The following ZBTB7A variants were observed in gnomAD, a reference collection of about 807,000 sequenced individuals.
ZBTB7A encodes zinc finger and BTB domain containing 7A, also known as zinc finger and BTB domain-containing protein 7A.
A neutral mutation model predicts 26.7 loss-of-function variants in ZBTB7A; 7 were observed. The ratio of observed to expected loss-of-function variants is 0.26; its 90% CI spans 0.15 to 0.49. The LOEUF is 0.49. Among genes scored for constraint, ZBTB7A ranks in the 20% least tolerant of loss-of-function variants. The pLI is 0.98. For synonymous variants in ZBTB7A, 452 were observed against 441.0 expected (o/e 1.02, Z -0.31); for missense variants, 617 against 919.5 (o/e 0.67, Z 4.25).
Position 4,054,363 on chromosome 19 carries a change from C to T in ZBTB7A, c.870G>A (p.Pro290=), listed in dbSNP as rs1180734013. The stretch of plus-strand genomic sequence containing the variant: ...CCGACAGGAAGCCCGGAGAGTCGCC[C>T]GGCTCGGGGGCCGCCTCCGACAGCG... ...AASLSEAAPE[P]GDSPGFLSGA... The change falls in exon 2 of 3, where the codon CCG becomes CCA. Residue 290 remains proline, a synonymous_variant. Coordinates refer to ENST00000322357, the MANE Select transcript of ZBTB7A (RefSeq NM_015898.4). 9.0e-5 allele frequency: 132 copies of T among 1,466,808 alleles called. No individual in the cohort carries two copies. Among genetic ancestry groups the T allele is most frequent in the Non-Finnish European group, 1.1e-4 (128 of 1,119,554 alleles). The allele number at this position is 1,466,808 out of a possible 1,614,324, so 90.9% of individuals were successfully genotyped here.
rs2040410129 is a variant in ZBTB7A at position 4,045,869 on chromosome 19, T to C, written c.*1883A>G. On this transcript the variant is annotated 3_prime_UTR_variant, in exon 3 of 3. Coordinates refer to ENST00000322357, the MANE Select transcript of ZBTB7A (RefSeq NM_015898.4). The surrounding 1 kb of genome is among the most constrained non-coding windows in gnomAD (Gnocchi z 4.1). ...AGGTCCCAGTCCCCCTGGATTACAG[T>C]CAGTGCCTTTGAGTAAAAAGAGGGG... 1 of 398,518 alleles carries C rather than the reference T, an allele frequency of 2.5e-6. No individual in the cohort carries two copies. Among genetic ancestry groups the C allele is most frequent in the Non-Finnish European group, 4.4e-6 (1 of 226,020 alleles). The allele number at this position is 398,518 out of a possible 1,614,324, so 24.7% of individuals were successfully genotyped here. A position where few individuals can be genotyped will look rare whatever the true frequency, so the allele number is the denominator to read the frequency against.
chr19:4,047,789 G>T lies in ZBTB7A; in HGVS notation c.1718C>A (p.Ala573Asp), dbSNP rs769147697. 7 of 1,600,130 alleles carry T rather than the reference G, an allele frequency of 4.4e-6. No homozygotes were observed. The highest frequency in any genetic ancestry group is 6.0e-6 in the Non-Finnish European group (7 of 1,174,154). The change falls in exon 3 of 3, where the codon GCC (alanine) becomes GAC (aspartate). Residue 573 changes from alanine to aspartate, a missense_variant. Ala to Asp is a moderately radical substitution (Grantham distance 126). Coordinates refer to ENST00000322357, the MANE Select transcript of ZBTB7A (RefSeq NM_015898.4). ...GGCTGTGAAGTTACCGTCGGTGGCG[G>T]CCCCGGGGCCACCTCCGCTGTCACC... is the stretch of plus-strand genomic sequence containing the variant. The part of the protein sequence containing the change: ...GGGDSGGGPG[A>D]ATDGNFTAGL...
At chr19:4,049,302 T>G (rs1295446258) in intron 2 of ZBTB7A, among the ~76,000 whole-genome samples, 1 of 144,578 alleles carries the variant, frequency 6.9e-6, no homozygotes, top group Non-Finnish European at 1.5e-5. Context: ...CTCTCAAAGC[T>G]CTAGGATTAC....
chr19:4,063,306 G>A (rs533007994), intron 1 of ZBTB7A, among the ~76,000 whole-genome samples: 3 of 152,338 alleles, frequency 2.0e-5, no homozygotes, highest in African/African-American at 4.8e-5. Flanking sequence ...CAGAGCAAGC[G>A]TGCCAGCATT....
chr19:4,055,389 G>A, intron 1 of ZBTB7A, 142 bp from the exon 2 acceptor site: 1 of 1,391,988 alleles, frequency 7.2e-7, no homozygotes, highest in Non-Finnish European at 9.3e-7. Context: ...CGTGAAGGCG[G>A]TCAGATGTCG....
chr19:4,064,382 C>A (rs1433342678), intron 1 of ZBTB7A, among the ~76,000 whole-genome samples: 2 of 152,236 alleles, frequency 1.3e-5, no homozygotes, highest in Non-Finnish European at 2.9e-5. Context: ...TAAACAGAGG[C>A]CCCGGCCCCG....
chr19:4,060,742 G>A (rs1360439130), intron 1 of ZBTB7A, among the ~76,000 whole-genome samples: 1 of 152,354 alleles, frequency 6.6e-6, no homozygotes, highest in East Asian at 1.9e-4. Context: ...CTAGTGCAGG[G>A]TGTGGGAGCC....
Position 4,047,949 on chromosome 19 carries a change from C to CGCCGGGGGT in ZBTB7A, c.1549_1557dup (p.Thr517_Gly519dup). On this transcript the variant is annotated inframe_insertion, in exon 3 of 3. Coordinates refer to ENST00000322357, the MANE Select transcript of ZBTB7A (RefSeq NM_015898.4). ...TCGGGGGAGCTGGGCTGGGCGGGGG[C>CGCCGGGGGT]GCCGGGGGTCGCGGTGGCCCCCGGG... 7.7e-7 allele frequency: 1 copy of CGCCGGGGGT among 1,303,720 alleles called. No homozygotes were observed. The highest frequency in any genetic ancestry group is 2.8e-4 in the Middle Eastern group (1 of 3,536). The allele number at this position is 1,303,720 out of a possible 1,614,324, so 80.8% of individuals were successfully genotyped here. A position where few individuals can be genotyped will look rare whatever the true frequency, so the allele number is the denominator to read the frequency against.
At position 4,048,544 on chromosome 19, in the gene ZBTB7A, G is replaced by A. The variant is rs1025632823; in HGVS notation, c.1263-300C>T. Among the ~76,000 whole-genome samples, 1 of 152,074 alleles carries A rather than the reference G, an allele frequency of 6.6e-6. No individual in the cohort carries two copies. Among genetic ancestry groups the A allele is most frequent in the African/African-American group, 2.4e-5 (1 of 41,416 alleles). ...CTTTTTTAACTTTTTAAGAGACAAA[G>A]TCTAGGCCAGGCGCGGAGGCTCAGG... is the stretch of plus-strand genomic sequence containing the variant. On this transcript the variant is annotated intron_variant, in intron 2 of 2. Coordinates refer to ENST00000322357, the MANE Select transcript of ZBTB7A (RefSeq NM_015898.4). This position sits in a 1 kb window ranked among gnomAD's most constrained non-coding sequence, Gnocchi z 6.7.
intron 2 of ZBTB7A, among the ~76,000 whole-genome samples, chr19:4,049,405 G>C (rs1359816114): frequency 6.6e-6 from 1 of 150,586 alleles, no homozygotes; most frequent in African/African-American, 2.4e-5. Flanking sequence ...CTACCCCTGG[G>C]GTAGGATGAG....
rs2040449795 is a variant in ZBTB7A, at chr19:4,048,263, G to C, written c.1263-19C>G. ...GTCCTGCCTGTGGACGGGGCACGGG[G>C]CGGGCACGGTCAGTGGGGCCGGGGA... On this transcript the variant is annotated intron_variant, in intron 2 of 2. Coordinates refer to ENST00000322357, the MANE Select transcript of ZBTB7A (RefSeq NM_015898.4). This position sits in a 1 kb window ranked among gnomAD's most constrained non-coding sequence, Gnocchi z 6.7. 6 of 1,563,764 alleles carry C rather than the reference G, an allele frequency of 3.8e-6. No homozygotes were observed. Among genetic ancestry groups the C allele is most frequent in the Non-Finnish European group, 5.2e-6 (6 of 1,162,876 alleles).
Position 4,048,955 on chromosome 19 carries a change from G to A in ZBTB7A, c.1263-711C>T, listed in dbSNP as rs868278352. Among the ~76,000 whole-genome samples the A allele has an allele frequency of 2.7e-5, 4 of 146,458 alleles. No homozygotes were observed. The highest frequency in any genetic ancestry group is 4.5e-5 in the Non-Finnish European group (3 of 66,294). On this transcript the variant is annotated intron_variant, in intron 2 of 2. Transcript: ENST00000322357. This position sits in a 1 kb window ranked among gnomAD's most constrained non-coding sequence, Gnocchi z 6.7. ...ATCACGCCACTGCCCTCCAACCTCG[G>A]TGACAGAATGAGACTGTCTCCAAAA...
intron 1 of ZBTB7A, among the ~76,000 whole-genome samples, chr19:4,058,847 T>C (rs1466745766): frequency 6.6e-6 from 1 of 152,154 alleles, no homozygotes; most frequent in Non-Finnish European, 1.5e-5. Context: ...GCTTGCTCAG[T>C]GCCACCACGC....
At position 4,044,670 on chromosome 19, in the gene ZBTB7A, TC is replaced by T. The variant is rs911105117; in HGVS notation, c.*3081del. On this transcript the variant is annotated 3_prime_UTR_variant, in exon 3 of 3. Coordinates refer to ENST00000322357, the MANE Select transcript of ZBTB7A (RefSeq NM_015898.4). Reference sequence around the variant, plus strand: ...GGAAATAACAATTTCGCATTGTTTTTCTTTTTTTTTTTTCTCTTTTTTTTTT... The same window carrying T: ...GGAAATAACAATTTCGCATTGTTTTTTTTTTTTTTTTTCTCTTTTTTTTTT... 12 of 22,434 alleles carry T rather than the reference TC, an allele frequency of 5.3e-4. No individual in the cohort carries two copies. The highest frequency in any genetic ancestry group is 0.014 in the Middle Eastern group (1 of 74). 1.4% of individuals were successfully genotyped at this position (22,434 alleles called of 1,614,324 possible). A position where few individuals can be genotyped will look rare whatever the true frequency, so the allele number is the denominator to read the frequency against.
intron 1 of ZBTB7A, among the ~76,000 whole-genome samples, chr19:4,057,249 G>A (rs1219222541): frequency 6.6e-6 from 1 of 151,932 alleles, no homozygotes; most frequent in African/African-American, 2.4e-5. Flanking sequence ...TCGGGAGGCT[G>A]AGGCAGGAGA....
chr19:4,047,678 G>C lies in ZBTB7A; in HGVS notation c.*74C>G, dbSNP rs916892837. The C allele has an allele frequency of 1.3e-6, 2 of 1,516,632 alleles. No homozygotes were observed. Among genetic ancestry groups the C allele is most frequent in the African/African-American group, 1.4e-5 (1 of 69,768 alleles). 93.9% of individuals were successfully genotyped at this position (1,516,632 alleles called of 1,614,324 possible). A position where few individuals can be genotyped will look rare whatever the true frequency, so the allele number is the denominator to read the frequency against. On this transcript the variant is annotated 3_prime_UTR_variant, in exon 3 of 3. Coordinates refer to ENST00000322357, the MANE Select transcript of ZBTB7A (RefSeq NM_015898.4). ...AGATTTTCTTTTTTTGTGTTTTTGG[G>C]GGGGTGGTGGGTGATTTTTTTTCTC...
At chr19:4,064,150 G>C (rs1407500652) in intron 1 of ZBTB7A, among the ~76,000 whole-genome samples, 2 of 152,226 alleles carry the variant, frequency 1.3e-5, no homozygotes, top group Non-Finnish European at 2.9e-5. Context: ...GGCCGCCCGC[G>C]GGCCTCTGCC....
intron 2 of ZBTB7A, among the ~76,000 whole-genome samples, chr19:4,053,602 T>G (rs1050250791): frequency 6.0e-5 from 9 of 149,512 alleles, no homozygotes; most frequent in African/African-American, 2.2e-4. Flanking sequence ...TGTGCGTGCA[T>G]GTGTATGTGA....
At position 4,047,636 on chromosome 19, in the gene ZBTB7A, G is replaced by GAT. The variant is rs1169771285; in HGVS notation, c.*114_*115dup. The GAT allele has an allele frequency of 1.3e-5, 12 of 913,350 alleles. No homozygotes were observed. The highest frequency in any genetic ancestry group is 3.7e-5 in the South Asian group (2 of 53,878). The allele number at this position is 913,350 out of a possible 1,614,324, so 56.6% of individuals were successfully genotyped here. A position where few individuals can be genotyped will look rare whatever the true frequency, so the allele number is the denominator to read the frequency against. On this transcript the variant is annotated 3_prime_UTR_variant, in exon 3 of 3. Coordinates refer to ENST00000322357, the MANE Select transcript of ZBTB7A (RefSeq NM_015898.4). ...ATCTGTATATATATATATAGATATA[G>GAT]ATATCTGTATATAGATAGATTTTCT... is the stretch of plus-strand genomic sequence containing the variant.
Sources: allele counts gnomAD v4.1 joint callset (sites outside exome capture counted in the v4.1 genomes callset), GRCh38; gene constraint gnomAD v4.1.1; non-coding constraint Gnocchi (gnomAD v3.1); transcripts MANE v1.5; gene names NCBI Gene and HGNC (gene_info 2026-07-23, HGNC 2026-07-21).